Variants in KCNQ1 observed in about 807,000 individuals in gnomAD.
KCNQ1 encodes the protein potassium voltage-gated channel subfamily KQT member 1.
In KCNQ1, 49 loss-of-function variants were observed where a neutral mutation model predicts 72.4. The observed-to-expected ratio is 0.68, with a 90% confidence interval of 0.54 to 0.86. The LOEUF (loss-of-function observed/expected upper bound fraction) is 0.86. Ranked by LOEUF, KCNQ1 falls within the 40% of genes least tolerant of loss-of-function variation. The pLI is 0.00. For missense variants in KCNQ1, 790 were observed against 945.1 expected (o/e 0.84, Z 2.15); for synonymous variants, 450 against 412.6 (o/e 1.09, Z -1.10).
rs1847832827 is a variant in KCNQ1 at position 2,826,032 on chromosome 11, T to G, written c.1795-21735T>G. ...TCCTCCCCGCCATCCTGGAAACGATTTTGTTGTCTGCAGAGATTATGTGTA... is the reference window on the plus strand; with the variant it reads ...TCCTCCCCGCCATCCTGGAAACGATGTTGTTGTCTGCAGAGATTATGTGTA... On this transcript the variant is annotated intron_variant, in intron 15 of 15. Coordinates refer to ENST00000155840, the MANE Select transcript of KCNQ1 (RefSeq NM_000218.3). The surrounding 1 kb of genome is among the most constrained non-coding windows in gnomAD (Gnocchi z 4.2). Among the ~76,000 whole-genome samples, 2 of 152,136 alleles carry G rather than the reference T, an allele frequency of 1.3e-5. No homozygotes were observed. Among genetic ancestry groups the G allele is most frequent in the Admixed American group, 1.3e-4 (2 of 15,284 alleles).
chr11:2,626,656 G>A lies in KCNQ1; in HGVS notation c.1394-35305G>A. The A allele has an allele frequency of 2.5e-6, 1 of 398,514 alleles. No homozygotes were observed. Among genetic ancestry groups the A allele is most frequent in the South Asian group, 1.3e-4 (1 of 7,840 alleles). The allele number at this position is 398,514 out of a possible 1,614,324, so 24.7% of individuals were successfully genotyped here. On this transcript the variant is annotated intron_variant, in intron 10 of 15. Transcript: ENST00000155840. The surrounding 1 kb of genome is among the most constrained non-coding windows in gnomAD (Gnocchi z 4.0). Reference sequence around the variant, plus strand: ...CAATCCTCCCACCTCGGCTTCTTGAGTAGCTGGGAATAGAAGTGTGTACCA... The same window carrying A: ...CAATCCTCCCACCTCGGCTTCTTGAATAGCTGGGAATAGAAGTGTGTACCA...
In KCNQ1 at chr11:2,642,997, A is replaced by G. The variant is rs1849603700; in HGVS notation, c.1394-18964A>G. On this transcript the variant is annotated intron_variant, in intron 10 of 15. Coordinates refer to ENST00000155840, the MANE Select transcript of KCNQ1 (RefSeq NM_000218.3). The surrounding 1 kb of genome is among the most constrained non-coding windows in gnomAD (Gnocchi z 4.3). Reference sequence around the variant, plus strand: ...GCTCCTCTTATTTATTTATAGTTTTATGCTATTGTGGTCTGAGAAGATATG... The same window carrying G: ...GCTCCTCTTATTTATTTATAGTTTTGTGCTATTGTGGTCTGAGAAGATATG... 2.5e-6 allele frequency: 1 copy of G among 397,748 alleles called. No individual in the cohort carries two copies. Among genetic ancestry groups the G allele is most frequent in the South Asian group, 1.3e-4 (1 of 7,842 alleles). 24.6% of individuals were successfully genotyped at this position (397,748 alleles called of 1,614,324 possible). A position where few individuals can be genotyped will look rare whatever the true frequency, so the allele number is the denominator to read the frequency against.
chr11:2,786,949 G>GTTTTTTTTTTTTTTTT (rs5789272), intron 15 of KCNQ1, among the ~76,000 whole-genome samples: 2 of 120,336 alleles, frequency 1.7e-5, no homozygotes, highest in Admixed American at 8.5e-5. Flanking sequence ...TTTCGTTTCT[G>GTTTTTTTTTTTTTTTT]TTTTTTTTTT....
rs534009242 is a variant in KCNQ1 at position 2,562,828 on chromosome 11, C to T, written c.478-7800C>T. On this transcript the variant is annotated intron_variant, in intron 2 of 15. Transcript: ENST00000155840. This position sits in a 1 kb window ranked among gnomAD's most constrained non-coding sequence, Gnocchi z 7.5. ...TGACCCTGGCCCCTTCCACAAAGCTCAGCTCTGATCCTTCGTATTTAATCT... is the reference window on the plus strand; with the variant it reads ...TGACCCTGGCCCCTTCCACAAAGCTTAGCTCTGATCCTTCGTATTTAATCT... Among the ~76,000 whole-genome samples the T allele has an allele frequency of 1.3e-5, 2 of 152,314 alleles. No individual in the cohort carries two copies. Among genetic ancestry groups the T allele is most frequent in the South Asian group, 4.1e-4 (2 of 4,828 alleles).
rs1039636498 is a variant in KCNQ1 at position 2,463,986 on chromosome 11, T to G, written c.386+18502T>G. On this transcript the variant is annotated intron_variant, in intron 1 of 15. Transcript: ENST00000155840. The surrounding 1 kb of genome is among the most constrained non-coding windows in gnomAD (Gnocchi z 7.0). ...GCAGTTGGGTCTGGTTTGATAACCG[T>G]GGACCGGGGTGACAGGCCCTGACTC... Among the ~76,000 whole-genome samples the G allele has an allele frequency of 6.6e-6, 1 of 152,154 alleles. No individual in the cohort carries two copies. The highest frequency in any genetic ancestry group is 1.5e-5 in the Non-Finnish European group (1 of 68,026).
In KCNQ1 at chr11:2,613,051, C is replaced by T. The variant is rs1355687737; in HGVS notation, c.1393+24197C>T. Reference sequence around the variant, plus strand: ...TAAGCCTGGCTTCATTGGTGTCACCCCTGGATCAGCATAACCTAGTGGTCA... The same window carrying T: ...TAAGCCTGGCTTCATTGGTGTCACCTCTGGATCAGCATAACCTAGTGGTCA... On this transcript the variant is annotated intron_variant, in intron 10 of 15. Coordinates refer to ENST00000155840, the MANE Select transcript of KCNQ1 (RefSeq NM_000218.3). This position sits in a 1 kb window ranked among gnomAD's most constrained non-coding sequence, Gnocchi z 4.8. 5 of 398,438 alleles carry T rather than the reference C, an allele frequency of 1.3e-5. No individual in the cohort carries two copies. The highest frequency in any genetic ancestry group is 4.4e-5 in the Admixed American group (1 of 22,700). The allele number at this position is 398,438 out of a possible 1,614,324, so 24.7% of individuals were successfully genotyped here. A position where few individuals can be genotyped will look rare whatever the true frequency, so the allele number is the denominator to read the frequency against.
rs1183212974 is a variant in KCNQ1, at chr11:2,711,926, T to C, written c.1514+49845T>C. Among the ~76,000 whole-genome samples, 1 of 152,118 alleles carries C rather than the reference T, an allele frequency of 6.6e-6. No individual in the cohort carries two copies. Among genetic ancestry groups the C allele is most frequent in the African/African-American group, 2.4e-5 (1 of 41,418 alleles). On this transcript the variant is annotated intron_variant, in intron 11 of 15. Transcript: ENST00000155840. This position sits in a 1 kb window ranked among gnomAD's most constrained non-coding sequence, Gnocchi z 5.4. ...ATGGCAGGTGGCAGGTGGCTGGGGC[T>C]GCTCACCTGCTCACCTGTGTCCATC...
chr11:2,671,821 C>T lies in KCNQ1; in HGVS notation c.1514+9740C>T, dbSNP rs894333425. On this transcript the variant is annotated intron_variant, in intron 11 of 15. Transcript: ENST00000155840. The surrounding 1 kb of genome is among the most constrained non-coding windows in gnomAD (Gnocchi z 4.7). ...TTCCCCCAAATAAATCCCTGCAACC[C>T]CACTGTGGTTATAGGTCTGAGCCTT... The T allele has an allele frequency of 2.5e-6, 1 of 398,646 alleles. No homozygotes were observed. Among genetic ancestry groups the T allele is most frequent in the Non-Finnish European group, 4.4e-6 (1 of 226,178 alleles). The allele number at this position is 398,646 out of a possible 1,614,324, so 24.7% of individuals were successfully genotyped here.
chr11:2,839,464 G>A (rs961463896), intron 15 of KCNQ1, among the ~76,000 whole-genome samples: 2 of 152,258 alleles, frequency 1.3e-5, no homozygotes, highest in African/African-American at 4.8e-5. Context: ...ATGCAGGGAG[G>A]GAGGTGGCTG....
chr11:2,832,919 T>C (rs1847982130), intron 15 of KCNQ1, among the ~76,000 whole-genome samples: 1 of 152,094 alleles, frequency 6.6e-6, no homozygotes, highest in African/African-American at 2.4e-5. Context: ...GGGGCTTCAC[T>C]CCACTCTCCC....
At chr11:2,797,272 C>G (rs1386672993) in intron 15 of KCNQ1, among the ~76,000 whole-genome samples, 1 of 152,212 alleles carries the variant, frequency 6.6e-6, no homozygotes, top group Non-Finnish European at 1.5e-5. Flanking sequence ...TCCCCAGAGA[C>G]AGCCAGCCAG....
At position 2,674,378 on chromosome 11, in the gene KCNQ1, A is replaced by C; in HGVS notation, c.1514+12297A>C. On this transcript the variant is annotated intron_variant, in intron 11 of 15. Transcript: ENST00000155840. This position sits in a 1 kb window ranked among gnomAD's most constrained non-coding sequence, Gnocchi z 5.9. ...CTTGGCAAAGAGCAGCTTCCTGCTT[A>C]GGGAAGGTGCATGCGTGCGTGTGTG... 5.8e-6 allele frequency: 1 copy of C among 171,290 alleles called. No homozygotes were observed. The highest frequency in any genetic ancestry group is 1.4e-4 in the East Asian group (1 of 7,256). 10.6% of individuals were successfully genotyped at this position (171,290 alleles called of 1,614,324 possible). A position where few individuals can be genotyped will look rare whatever the true frequency, so the allele number is the denominator to read the frequency against.
chr11:2,770,212 C>A (rs1846569577), intron 12 of KCNQ1, among the ~76,000 whole-genome samples: 1 of 152,188 alleles, frequency 6.6e-6, no homozygotes, highest in South Asian at 2.1e-4. Context: ...GGAGCCCCCA[C>A]CCATCTGGGC....
chr11:2,459,470 G>A (rs999233153), intron 1 of KCNQ1, among the ~76,000 whole-genome samples: 14 of 152,196 alleles, frequency 9.2e-5, no homozygotes, highest in African/African-American at 3.4e-4. Context: ...GAGGAGCTGT[G>A]CGGGTCTGAG....
intron 11 of KCNQ1, among the ~76,000 whole-genome samples, chr11:2,700,620 G>A (rs937546959): frequency 7.9e-5 from 12 of 152,120 alleles, no homozygotes; most frequent in Non-Finnish European, 1.8e-4. Flanking sequence ...GCTGTGCCTG[G>A]AACACCCGTG....
At position 2,482,624 on chromosome 11, in the gene KCNQ1, T is replaced by C. The variant is rs555008761; in HGVS notation, c.386+37140T>C. Among the ~76,000 whole-genome samples, 6 of 152,272 alleles carry C rather than the reference T, an allele frequency of 3.9e-5. No homozygotes were observed. Among genetic ancestry groups the C allele is most frequent in the Admixed American group, 6.5e-5 (1 of 15,288 alleles). On this transcript the variant is annotated intron_variant, in intron 1 of 15. Transcript: ENST00000155840. This position sits in a 1 kb window ranked among gnomAD's most constrained non-coding sequence, Gnocchi z 5.7. ...CTAATTTAGCTTCCTACTGTGCTGC[T>C]GGACATCACTGACTCCCCCCGCCAA... is the stretch of plus-strand genomic sequence containing the variant.
rs915245132 is a variant in KCNQ1, at chr11:2,651,673, C to T, written c.1394-10288C>T. 1.3e-5 allele frequency: 5 copies of T among 398,580 alleles called. No individual in the cohort carries two copies. Among genetic ancestry groups the T allele is most frequent in the Non-Finnish European group, 2.2e-5 (5 of 226,102 alleles). The allele number at this position is 398,580 out of a possible 1,614,324, so 24.7% of individuals were successfully genotyped here. The stretch of plus-strand genomic sequence containing the variant: ...TCCCACAGCTCACTGACATTAGCCA[C>T]GTGGCCCTCTGTTTCCTGTAATAGG... On this transcript the variant is annotated intron_variant, in intron 10 of 15. Coordinates refer to ENST00000155840, the MANE Select transcript of KCNQ1 (RefSeq NM_000218.3). The surrounding 1 kb of genome is among the most constrained non-coding windows in gnomAD (Gnocchi z 6.1).
chr11:2,630,820 G>A (rs1849340455), intron 10 of KCNQ1: 1 of 398,292 alleles, frequency 2.5e-6, no homozygotes, highest in African/African-American at 2.1e-5. Context: ...TCTTGTATCT[G>A]TTTCATATCT....
Position 2,645,807 on chromosome 11 carries a change from T to C in KCNQ1, c.1394-16154T>C. ...ATGCAGTCTGGTGGGGGTTGGGCTA[T>C]CAAAATGGGACTTTCCTGAAGTTGC... On this transcript the variant is annotated intron_variant, in intron 10 of 15. Coordinates refer to ENST00000155840, the MANE Select transcript of KCNQ1 (RefSeq NM_000218.3). This position sits in a 1 kb window ranked among gnomAD's most constrained non-coding sequence, Gnocchi z 5.8. 2 of 398,688 alleles carry C rather than the reference T, an allele frequency of 5.0e-6. No individual in the cohort carries two copies. The highest frequency in any genetic ancestry group is 8.8e-6 in the Non-Finnish European group (2 of 226,164). The allele number at this position is 398,688 out of a possible 1,614,324, so 24.7% of individuals were successfully genotyped here.
Sources: gnomAD v4.1 joint callset for allele counts (sites outside exome capture counted in the v4.1 genomes callset) on GRCh38, gnomAD v4.1.1 for gene constraint, Gnocchi (gnomAD v3.1) non-coding constraint, MANE v1.5 for transcripts, NCBI Gene and HGNC (gene_info 2026-07-23, HGNC 2026-07-21) for gene names.